Variants in BRD10 observed in about 807,000 individuals in gnomAD.
The protein encoded by BRD10 is uncharacterized bromodomain-containing protein 10.
the BRD10 span, among the ~76,000 whole-genome samples, chr9:5,995,197 G>C: frequency 3.9e-5 from 6 of 152,174 alleles, no homozygotes. Flanking sequence ...CACCATGCCG[G>C]CCCAAATGCT....
At chr9:5,980,326 A>G in the BRD10 span, among the ~76,000 whole-genome samples, 1 of 152,162 alleles carries the variant, frequency 6.6e-6, no homozygotes, top group East Asian at 1.9e-4. Context: ...AGATGGCCAG[A>G]CTACCAAGCC....
the BRD10 span, among the ~76,000 whole-genome samples, chr9:5,896,442 G>T: frequency 6.6e-6 from 1 of 152,198 alleles, no homozygotes; most frequent in Non-Finnish European, 1.5e-5. Context: ...GCTCTATCCT[G>T]TTTGGAGACG....
the BRD10 span, among the ~76,000 whole-genome samples, chr9:6,006,524 A>G: frequency 6.6e-6 from 1 of 152,236 alleles, no homozygotes; most frequent in African/African-American, 2.4e-5. Context: ...GGTGGCGGAT[A>G]CCAAGAGCAC....
chr9:5,902,749 C>T, the BRD10 span, among the ~76,000 whole-genome samples: 2,385 of 152,034 alleles, frequency 0.016, 74 homozygotes, highest in African/African-American at 0.054. Flanking sequence ...TCAAGCAGTC[C>T]TCCTGCCTTG....
At chr9:5,978,004 T>C in the BRD10 span, among the ~76,000 whole-genome samples, 1 of 152,238 alleles carries the variant, frequency 6.6e-6, no homozygotes, top group East Asian at 1.9e-4. Context: ...GCCTTCAATG[T>C]TGGGAAAATA....
the BRD10 span, among the ~76,000 whole-genome samples, chr9:6,005,135 A>G: frequency 6.6e-6 from 1 of 152,272 alleles, no homozygotes; most frequent in Non-Finnish European, 1.5e-5. Context: ...TCTGAGCATT[A>G]ACGACTGAGA....
the BRD10 span, among the ~76,000 whole-genome samples, chr9:5,976,422 A>G: frequency 1.3e-5 from 2 of 152,316 alleles, no homozygotes; most frequent in South Asian, 4.1e-4. Flanking sequence ...GTTTGTTTAA[A>G]AGTTTGTAAT....
the BRD10 span, among the ~76,000 whole-genome samples, chr9:5,985,160 A>G: frequency 6.6e-6 from 1 of 152,386 alleles, no homozygotes; most frequent in South Asian, 2.1e-4. Context: ...TGGTGAAAGA[A>G]TAGTTTTTGT....
chr9:5,879,678 C>A, the BRD10 span, among the ~76,000 whole-genome samples: 4 of 152,104 alleles, frequency 2.6e-5, no homozygotes, highest in Non-Finnish European at 5.9e-5. Flanking sequence ...TGGGCTGGAC[C>A]AATTAAATGA....
At chr9:5,914,203 T>C in the BRD10 span, 7 of 333,296 alleles carry the variant, frequency 2.1e-5, no homozygotes, top group African/African-American at 1.6e-4. Context: ...GTTAAAATTG[T>C]AAGGGCTTAC....
chr9:5,944,645 T>C, the BRD10 span, among the ~76,000 whole-genome samples: 1 of 152,048 alleles, frequency 6.6e-6, no homozygotes, highest in African/African-American at 2.4e-5. Context: ...CTATACCTGA[T>C]ACAAACCAGG....
At chr9:6,006,124 A>G in the BRD10 span, among the ~76,000 whole-genome samples, 2 of 152,064 alleles carry the variant, frequency 1.3e-5, no homozygotes, top group Admixed American at 1.3e-4. Context: ...GTATACACTC[A>G]TATTATTCAA....
chr9:5,882,805 T>C, the BRD10 span, among the ~76,000 whole-genome samples: 8 of 152,236 alleles, frequency 5.3e-5, no homozygotes, highest in African/African-American at 1.7e-4. Flanking sequence ...GTGGCACATA[T>C]ACACCATGGA....
the BRD10 span, among the ~76,000 whole-genome samples, chr9:5,950,146 T>G: frequency 3.3e-5 from 5 of 152,220 alleles, no homozygotes; most frequent in Non-Finnish European, 7.4e-5. Flanking sequence ...CTTTTCAAAT[T>G]CTTGTAGGCT....
the BRD10 span, among the ~76,000 whole-genome samples, chr9:5,949,290 C>G: frequency 6.6e-6 from 1 of 152,052 alleles, no homozygotes. Flanking sequence ...ACCAGGAAGT[C>G]AGAGATTGCA....
the BRD10 span, among the ~76,000 whole-genome samples, chr9:5,941,917 T>C: frequency 3.9e-5 from 6 of 152,160 alleles, no homozygotes; most frequent in Non-Finnish European, 8.8e-5. Context: ...CTGATGCAGC[T>C]AGGTGTTTGT....
chr9:5,890,786 G>A, the BRD10 span: 1 of 152,084 alleles, frequency 6.6e-6, no homozygotes, highest in Non-Finnish European at 1.5e-5. Flanking sequence ...TGCCAATTTA[G>A]CAATTACAGA....
the BRD10 span, among the ~76,000 whole-genome samples, chr9:5,884,396 C>A: frequency 6.6e-6 from 1 of 152,198 alleles, no homozygotes; most frequent in Admixed American, 6.5e-5. Flanking sequence ...TCAGGCCTGC[C>A]ACTCCCTTTC....
the BRD10 span, among the ~76,000 whole-genome samples, chr9:5,896,998 A>G: frequency 6.6e-6 from 1 of 152,238 alleles, no homozygotes; most frequent in Non-Finnish European, 1.5e-5. Flanking sequence ...GTTTTGTGCT[A>G]GCTCTGTATG....
Sources: allele counts gnomAD v4.1 joint callset (sites outside exome capture counted in the v4.1 genomes callset), GRCh38; gene constraint gnomAD v4.1.1; transcripts MANE v1.5; gene names NCBI Gene and HGNC (gene_info 2026-07-23, HGNC 2026-07-21).